The following NEDD9 variants were observed in gnomAD, a reference collection of about 807,000 sequenced individuals.
NEDD9 encodes the protein neural precursor cell expressed, developmentally down-regulated 9.
A neutral mutation model predicts 76.6 loss-of-function variants in NEDD9; 26 were observed. The observed-to-expected ratio is 0.34, with a 90% CI of 0.25 to 0.47. The LOEUF is 0.47. Ranked by LOEUF, NEDD9 falls within the 20% of genes least tolerant of loss-of-function variation. The probability of loss-of-function intolerance (pLI) is 1.00; values close to 1 mark genes in which losing one functional copy is unlikely to be tolerated. For missense variants in NEDD9, 937 were observed against 1,058.5 expected (o/e 0.89, Z 1.59); for synonymous variants, 392 against 414.2 (o/e 0.95, Z 0.65).
intron 3 of NEDD9, among the ~76,000 whole-genome samples, chr6:11,288,464 C>T (rs1760695959): frequency 6.6e-6 from 1 of 152,184 alleles, no homozygotes; most frequent in Admixed American, 6.5e-5. Context: ...TGCTTGGTGT[C>T]CACAGGATCA....
chr6:11,283,400 T>C (rs1302525889), intron 3 of NEDD9, among the ~76,000 whole-genome samples: 4 of 152,082 alleles, frequency 2.6e-5, no homozygotes, highest in Admixed American at 6.5e-5. Flanking sequence ...GGTGAGAGGG[T>C]GGTCAGGATT....
chr6:11,247,012 C>A (rs1739663438), intron 3 of NEDD9, among the ~76,000 whole-genome samples: 1 of 152,142 alleles, frequency 6.6e-6, no homozygotes, highest in South Asian at 2.1e-4. Flanking sequence ...CTCTTCCCTG[C>A]CCAGCCAAAC....
At position 11,346,477 on chromosome 6, in the gene NEDD9, G is replaced by GCCC. The variant is rs57973517; in HGVS notation, c.-213-11919_-213-11917dup. Among the ~76,000 whole-genome samples, 168 of 145,116 alleles carry GCCC rather than the reference G, an allele frequency of 1.2e-3. 3 individuals carry two copies. The highest frequency in any genetic ancestry group is 3.3e-3 in the African/African-American group (131 of 39,256). ...TGTACTGTTATAAGAAGGCTCGGAGGCCCCCCCCCCCGAGGTGAGTGGAAA... is the reference window on the plus strand; with the variant it reads ...TGTACTGTTATAAGAAGGCTCGGAGGCCCCCCCCCCCCCCGAGGTGAGTGGAAA... On this transcript the variant is annotated intron_variant, in intron 1 of 3. Coordinates refer to the NEDD9 transcript ENST00000397378.
In NEDD9 at chr6:11,314,100, G is replaced by A. The variant is rs182872616; in HGVS notation, c.-152-7945C>T. ...TTAAAGACACCCTTATAAAACATTC[G>A]CAAATTAGAAAAGCAGGCTTTTCTT... On this transcript the variant is annotated intron_variant, in intron 2 of 3. Coordinates refer to the NEDD9 transcript ENST00000397378. Among the ~76,000 whole-genome samples, 310 of 152,176 alleles carry A rather than the reference G, an allele frequency of 2.0e-3. 1 individual carries two copies. Among genetic ancestry groups the A allele is most frequent in the Non-Finnish European group, 3.5e-3 (240 of 67,994 alleles).
At chr6:11,279,997 G>C (rs1760502435) in intron 3 of NEDD9, among the ~76,000 whole-genome samples, 1 of 152,168 alleles carries the variant, frequency 6.6e-6, no homozygotes, top group Admixed American at 6.5e-5. Flanking sequence ...GCTCCTGCCT[G>C]GGCAGGATTC....
intron 3 of NEDD9, chr6:11,249,354 T>TA (rs1429050680): frequency 2.7e-6 from 1 of 370,272 alleles, no homozygotes; most frequent in Non-Finnish European, 5.3e-6. Flanking sequence ...CAGGGCTCTA[T>TA]AAAGTCTGTA....
At position 11,186,600 on chromosome 6, in the gene NEDD9, T is replaced by G. The variant is rs542079911; in HGVS notation, c.1996-929A>C. On this transcript the variant is annotated intron_variant, in intron 6 of 6. Transcript: ENST00000379446. ...CAGCTTCCCCAGCTTCTCTGAGAGA[T>G]GCACAGCCAGCTTTACTTTACTTTT... 7.2e-5 allele frequency among the ~76,000 whole-genome samples: 11 copies of G among 152,246 alleles called. No individual in the cohort carries two copies. In the East Asian group the frequency reaches 9.7e-4, roughly 13 times the overall value.
At chr6:11,199,628 A>C in intron 2 of NEDD9, 1 of 139,908 alleles carries the variant, frequency 7.1e-6, no homozygotes, top group South Asian at 2.4e-4. Context: ...AAGAAAAGCT[A>C]GGAAAGATCT....
chr6:11,251,932 A>ATG (rs754363017), intron 3 of NEDD9, among the ~76,000 whole-genome samples: 1 of 151,966 alleles, frequency 6.6e-6, no homozygotes, highest in Non-Finnish European at 1.5e-5. Context: ...GACTCTATGT[A>ATG]TGTGTGTGTG....
In NEDD9 at chr6:11,322,773, A is replaced by C. The variant is rs555978289; in HGVS notation, c.-153+11728T>G. ...AATCCCGATTCTTGGGGCCTGCTCT[A>C]AACCTGCCTACCAAGGCTCTAGGGG... On this transcript the variant is annotated intron_variant, in intron 2 of 3. Coordinates refer to the NEDD9 transcript ENST00000397378. Among the ~76,000 whole-genome samples, 475 of 152,334 alleles carry C rather than the reference A, an allele frequency of 3.1e-3. 1 individual carries two copies. The highest frequency in any genetic ancestry group is 5.5e-3 in the Non-Finnish European group (375 of 68,036).
In NEDD9 at chr6:11,375,163, G is replaced by A. The variant is rs1359468167; in HGVS notation, c.-214+6976C>T. 2.0e-5 allele frequency among the ~76,000 whole-genome samples: 3 copies of A among 152,190 alleles called. No individual in the cohort carries two copies. In the South Asian group the frequency reaches 6.2e-4, roughly 32 times the overall value. On this transcript the variant is annotated intron_variant, in intron 1 of 3. Transcript: ENST00000397378. ...GCACTGCCAACTGATAGAAATGATA[G>A]ACTGTCATACATTCATGCAATAGGA...
At position 11,185,237 on chromosome 6, in the gene NEDD9, C is replaced by A; in HGVS notation, c.2430G>T (p.Met810Ile). The A allele has an allele frequency of 6.8e-6, 11 of 1,614,128 alleles. No individual in the cohort carries two copies. The highest frequency in any genetic ancestry group is 9.3e-6 in the Non-Finnish European group (11 of 1,180,038). The change falls in exon 7 of 7, where the codon ATG becomes ATT. Residue 810 changes from methionine to isoleucine, a missense_variant. Transcript: ENST00000379446. ...HYPSTTALQE[M>I]VHQVTDLSRN... ...TAGAAAGGTCTGTCACTTGGTGCAC[C>A]ATTTCCTGCAGGGCCGTGGTGCTGG...
At chr6:11,197,577 A>T (rs1294380882) in intron 2 of NEDD9, among the ~76,000 whole-genome samples, 1 of 152,220 alleles carries the variant, frequency 6.6e-6, no homozygotes, top group African/African-American at 2.4e-5. Context: ...CGAGAAGGGC[A>T]GATTCTTCCA....
intron 2 of NEDD9, among the ~76,000 whole-genome samples, chr6:11,193,938 C>T (rs1758226627): frequency 6.6e-6 from 1 of 151,698 alleles, no homozygotes; most frequent in African/African-American, 2.4e-5. Context: ...CAGCTTACAG[C>T]AACCTCTGCC....
rs143931781 is a variant in NEDD9 at position 11,259,906 on chromosome 6, C to T, written c.12+46086G>A. On this transcript the variant is annotated intron_variant, in intron 3 of 3. Coordinates refer to the NEDD9 transcript ENST00000397378. ...AGATGGTTGTCTGCATGGTATGGTA[C>T]GAGTAGTGCAGTGCTTGACTGCGCC... 7.8e-3 allele frequency among the ~76,000 whole-genome samples: 1,067 copies of T among 136,952 alleles called. 14 individuals are homozygous for T. The highest frequency in any genetic ancestry group is 0.027 in the African/African-American group (1,001 of 37,682). The allele number at this position is 136,952 out of a possible 152,430, so 89.8% of individuals were successfully genotyped here.
rs1340473593 is a variant in NEDD9 at position 11,215,708 on chromosome 6, A to T, written c.13-1981T>A. On this transcript the variant is annotated intron_variant, in intron 1 of 6. Coordinates refer to ENST00000379446, the MANE Select transcript of NEDD9 (RefSeq NM_006403.4). ...CTGTCCCTTTCTTCTGGGCCCATTC[A>T]GCAATCGGGAAGCCCCCACATGAAA... is the stretch of plus-strand genomic sequence containing the variant. Among the ~76,000 whole-genome samples the T allele has an allele frequency of 3.3e-5, 5 of 152,200 alleles. No individual in the cohort carries two copies. The East Asian group carries it at 9.6e-4, about 29-fold the overall frequency.
At position 11,370,504 on chromosome 6, in the gene NEDD9, C is replaced by G. The variant is rs1762841866; in HGVS notation, c.-214+11635G>C. Among the ~76,000 whole-genome samples, 1 of 152,186 alleles carries G rather than the reference C, an allele frequency of 6.6e-6. No homozygotes were observed. Among genetic ancestry groups the G allele is most frequent in the South Asian group, 2.1e-4 (1 of 4,830 alleles). ...CAGTCCAAATGGTTCCCTCACCGACCCACTAGGTGCACAAGGCTCTCCTCA... is the reference window on the plus strand; with the variant it reads ...CAGTCCAAATGGTTCCCTCACCGACGCACTAGGTGCACAAGGCTCTCCTCA... On this transcript the variant is annotated intron_variant, in intron 1 of 3. Transcript: ENST00000397378. The surrounding 1 kb of genome is among the most constrained non-coding windows in gnomAD (Gnocchi z 4.2).
chr6:11,240,662 G>T lies in NEDD9; in HGVS notation c.13-26935C>A, dbSNP rs11964713. 4.9e-3 allele frequency among the ~76,000 whole-genome samples: 738 copies of T among 152,094 alleles called. 4 individuals are homozygous for T. Among genetic ancestry groups the T allele is most frequent in the African/African-American group, 0.016 (682 of 41,512 alleles). ...TAATTACTACCTTTTTTTCTTCAAA[G>T]AATTGAAAAACGTTGACAGATTAAA... On this transcript the variant is annotated intron_variant, in intron 3 of 3. Coordinates refer to the NEDD9 transcript ENST00000397378.
At chr6:11,317,106 G>C (rs1761589945) in intron 2 of NEDD9, among the ~76,000 whole-genome samples, 1 of 152,168 alleles carries the variant, frequency 6.6e-6, no homozygotes, top group Non-Finnish European at 1.5e-5. Flanking sequence ...TAAAGCAAGA[G>C]AGCTTATAAC....
Sources: allele counts gnomAD v4.1 joint callset (sites outside exome capture counted in the v4.1 genomes callset), GRCh38; gene constraint gnomAD v4.1.1; non-coding constraint Gnocchi (gnomAD v3.1); transcripts MANE v1.5; gene names NCBI Gene and HGNC (gene_info 2026-07-23, HGNC 2026-07-21).